The following COL4A2 variants were observed in gnomAD, a reference collection of about 807,000 sequenced individuals.
COL4A2 encodes the protein collagen alpha-2(IV) chain.
Under a neutral mutation model 200.2 loss-of-function variants are expected in COL4A2, and 99 were observed. The ratio of observed to expected loss-of-function variants is 0.49; its 90% CI spans 0.42 to 0.58. The LOEUF (loss-of-function observed/expected upper bound fraction) is 0.58, where lower values mean the gene tolerates loss of function less well. Among genes scored for constraint, COL4A2 ranks in the 20% least tolerant of loss-of-function variants. COL4A2 has a pLI of 0.00. For missense variants in COL4A2, 1,950 were observed against 2,314.1 expected (o/e 0.84, Z 3.23); for synonymous variants, 897 against 900.6 (o/e 1.00, Z 0.07).
At chr13:110,377,440 A>C (rs1233615417) in intron 4 of COL4A2, among the ~76,000 whole-genome samples, 2 of 152,124 alleles carry the variant, frequency 1.3e-5, no homozygotes, top group Non-Finnish European at 2.9e-5. Flanking sequence ...GAGCAAGGGC[A>C]CACACTCTCC....
intron 32 of COL4A2, among the ~76,000 whole-genome samples, chr13:110,483,926 T>A (rs1361415446): frequency 1.3e-5 from 2 of 152,196 alleles, no homozygotes; most frequent in African/African-American, 2.4e-5. Flanking sequence ...AAATTATACA[T>A]CAATAAGCTG....
At chr13:110,507,739 A>G (rs1453859242) in intron 46 of COL4A2, 196 bp from the exon 47 acceptor site, 1 of 607,884 alleles carries the variant, frequency 1.6e-6, no homozygotes. Context: ...CTGTTCCAAA[A>G]TGCCAGTGGA....
chr13:110,377,761 G>T (rs1310873492), intron 4 of COL4A2, among the ~76,000 whole-genome samples: 1 of 152,286 alleles, frequency 6.6e-6, no homozygotes, highest in African/African-American at 2.4e-5. Flanking sequence ...AGAAAAACAT[G>T]TTAAAGAAGG....
chr13:110,385,934 AGC>A, intron 4 of COL4A2, among the ~76,000 whole-genome samples: 2 of 129,294 alleles, frequency 1.5e-5, no homozygotes, highest in African/African-American at 6.0e-5. Context: ...CCGTGGTTAC[AGC>A]GTGTGGATGG....
chr13:110,310,811 G>T (rs1330837984), intron 3 of COL4A2, among the ~76,000 whole-genome samples: 1 of 152,166 alleles, frequency 6.6e-6, no homozygotes, highest in Admixed American at 6.5e-5. Flanking sequence ...GTGCCAATTT[G>T]TCTGTACTAA....
rs529842659 is a variant in COL4A2, at chr13:110,347,708, G to A, written c.100-9764G>A. On this transcript the variant is annotated intron_variant, in intron 3 of 47. Transcript: ENST00000360467. ...TTTCTGGAGCCAGTCCTGCCCGTCA[G>A]GACCCAAGCTCCAGCACTAAAGTAC... is the stretch of plus-strand genomic sequence containing the variant. 1.2e-4 allele frequency among the ~76,000 whole-genome samples: 18 copies of A among 152,376 alleles called. No homozygotes were observed. The South Asian group carries it at 3.7e-3, about 32-fold the overall frequency.
At chr13:110,460,155 A>T (rs751915422) in intron 22 of COL4A2, among the ~76,000 whole-genome samples, 1 of 152,202 alleles carries the variant, frequency 6.6e-6, no homozygotes. Context: ...TGGTCAGGAC[A>T]CTTGGCCAAG....
At position 110,512,109 on chromosome 13, in the gene COL4A2, G is replaced by A. The variant is rs1326455391; in HGVS notation, c.5057G>A (p.Gly1686Asp). ...ACCATTCCCGAGCAGAGCTTCCAGG[G>A]CTCGCCCTCCGCCGACACGCTCAAG... ...LTTIPEQSFQ[G>D]SPSADTLKAG... Residue 1686 changes from glycine (G) to aspartate (D), a missense_variant, in exon 48 of 48, where the codon GGC becomes GAC. Around this residue, in one of 2 missense-constraint regions of COL4A2, gnomAD observed 1,385 missense variants for 1,720.5 expected, o/e 0.80. Transcript: ENST00000360467. 6.2e-7 allele frequency: 1 copy of A among 1,613,610 alleles called. No homozygotes were observed. The highest frequency in any genetic ancestry group is 8.5e-7 in the Non-Finnish European group (1 of 1,180,038).
In COL4A2 at chr13:110,450,357, C is replaced by A. The variant is rs1241136559; in HGVS notation, c.1242C>A (p.Asp414Glu). 6.2e-7 allele frequency: 1 copy of A among 1,613,614 alleles called. No homozygotes were observed. Among genetic ancestry groups the A allele is most frequent in the Non-Finnish European group, 8.5e-7 (1 of 1,179,646 alleles). Residue 414 changes from aspartate (D) to glutamate (E), a missense_variant, in exon 20 of 48, where the codon GAC (aspartate) becomes GAA (glutamate). Asp to Glu is a conservative substitution (Grantham distance 45, BLOSUM62 2). Around this residue, in one of 2 missense-constraint regions of COL4A2, gnomAD observed 565 missense variants for 593.5 expected, o/e 0.95. Coordinates refer to ENST00000360467, the MANE Select transcript of COL4A2 (RefSeq NM_001846.4). ...TGGGACCCAAGGGCTTCATCGGAGA[C>A]CCCGGCATCCCTGCGCTCTACGGGG... ...GEMGPKGFIG[D>E]PGIPALYGGP...
At chr13:110,351,070 A>G (rs1347949582) in intron 3 of COL4A2, among the ~76,000 whole-genome samples, 2 of 151,196 alleles carry the variant, frequency 1.3e-5, no homozygotes, top group Non-Finnish European at 2.9e-5. Flanking sequence ...TCTTTTTGAG[A>G]TAGGGTCTTG....
At chr13:110,499,793 C>A (rs1883582436) in intron 40 of COL4A2, among the ~76,000 whole-genome samples, 1 of 152,238 alleles carries the variant, frequency 6.6e-6, no homozygotes, top group African/African-American at 2.4e-5. Context: ...CATTAACAGT[C>A]CTCATCACTG....
At chr13:110,356,860 G>T (rs185673608) in intron 3 of COL4A2, among the ~76,000 whole-genome samples, 1 of 151,528 alleles carries the variant, frequency 6.6e-6, no homozygotes, top group Non-Finnish European at 1.5e-5. Flanking sequence ...TCCACCTCCC[G>T]GTTCAAGCGA....
In COL4A2 at chr13:110,492,128, G is replaced by A; in HGVS notation, c.3513G>A (p.Leu1171=). ...GSQGELGRIG[L]PGGKGDDGWP... is the part of the protein sequence containing the mutation. Reference sequence around the variant, plus strand: ...AGGGAGAGCTGGGGCGGATTGGACTGCCTGGTGGCAAAGGAGATGATGGCT... The same window carrying A: ...AGGGAGAGCTGGGGCGGATTGGACTACCTGGTGGCAAAGGAGATGATGGCT... Residue 1171 remains leucine, a synonymous_variant, in exon 38 of 48, where the codon CTG becomes CTA. Transcript: ENST00000360467. 2 of 1,553,750 alleles carry A rather than the reference G, an allele frequency of 1.3e-6. No individual in the cohort carries two copies. The highest frequency in any genetic ancestry group is 1.7e-6 in the Non-Finnish European group (2 of 1,147,920).
At chr13:110,315,598 G>A (rs944547908) in intron 3 of COL4A2, among the ~76,000 whole-genome samples, 1 of 152,142 alleles carries the variant, frequency 6.6e-6, no homozygotes, top group Admixed American at 6.5e-5. Flanking sequence ...GTTTCACCAT[G>A]TTGGCCAGGC....
chr13:110,430,728 C>A (rs1330854779), intron 10 of COL4A2, 121 bp downstream of exon 10: 2 of 1,329,906 alleles, frequency 1.5e-6, no homozygotes, highest in East Asian at 2.3e-5. Flanking sequence ...TGCTTATAGG[C>A]GTAGCAGAGA....
At chr13:110,487,637 T>A (rs1883157020) in intron 34 of COL4A2, among the ~76,000 whole-genome samples, 1 of 152,258 alleles carries the variant, frequency 6.6e-6, no homozygotes, top group Non-Finnish European at 1.5e-5. Context: ...TTTATCTCCA[T>A]ACACAGCAAT....
In COL4A2 at chr13:110,482,577, CG is replaced by C; in HGVS notation, c.2823del (p.Pro943GlnfsTer15). 1 of 1,614,026 alleles carries C rather than the reference CG, an allele frequency of 6.2e-7. No individual in the cohort carries two copies. The highest frequency in any genetic ancestry group is 2.2e-5 in the East Asian group (1 of 44,890). On this transcript the variant is annotated frameshift_variant, in exon 32 of 48. Coordinates refer to ENST00000360467, the MANE Select transcript of COL4A2 (RefSeq NM_001846.4). LOFTEE classifies it high-confidence loss of function. Reference protein sequence around the residue: ...QGMPGLKGRPGFPGSKGEAGF... With the variant: ...QGMPGLKGRPXFPGSKGEAGF... ...GCATGCCTGGACTCAAAGGGAGACC[CG>C]GGTTTCCAGGGAGCAAAGGCGAGGC...
At chr13:110,464,474 T>C (rs1169230593) in intron 24 of COL4A2, among the ~76,000 whole-genome samples, 1 of 152,164 alleles carries the variant, frequency 6.6e-6, no homozygotes, top group African/African-American at 2.4e-5. Flanking sequence ...GTCCACTAAG[T>C]TTGGGGCATC....
At chr13:110,480,469 G>A in intron 31 of COL4A2, 79 bp downstream of exon 31, 2 of 1,456,260 alleles carry the variant, frequency 1.4e-6, no homozygotes, top group South Asian at 2.8e-5. Flanking sequence ...CAGCTCTGCT[G>A]GGCGCCTCTG....
Sources: allele counts gnomAD v4.1 joint callset (sites outside exome capture counted in the v4.1 genomes callset), GRCh38; gene constraint gnomAD v4.1.1; regional missense constraint gnomAD v4.1.1; transcripts MANE v1.5; gene names NCBI Gene and HGNC (gene_info 2026-07-23, HGNC 2026-07-21).